The following ECD variants were observed in gnomAD, a reference collection of about 807,000 sequenced individuals.
The protein encoded by ECD is protein ecdysoneless homolog.
ECD carries 59 observed loss-of-function variants against 77.2 expected under a neutral mutation model. The ratio of observed to expected loss-of-function variants is 0.76; its 90% CI spans 0.62 to 0.95. The LOEUF (loss-of-function observed/expected upper bound fraction) is 0.95, where lower values mean the gene tolerates loss of function less well. ECD is among the 40% of genes least tolerant of loss of function. The pLI, the probability that ECD is intolerant of heterozygous loss-of-function variation, is 0.00. For missense variants in ECD, 704 were observed against 763.4 expected (o/e 0.92, Z 0.92); for synonymous variants, 233 against 267.4 (o/e 0.87, Z 1.26).
At chr10:73,139,272 C>A in intron 11 of ECD, 37 bp downstream of exon 11, 2 of 1,526,506 alleles carry the variant, frequency 1.3e-6, no homozygotes, top group South Asian at 1.3e-5. Context: ...CATTTGGGTT[C>A]TAGCTATTTA....
intron 2 of ECD, among the ~76,000 whole-genome samples, chr10:73,163,484 T>C (rs987823451): frequency 6.6e-6 from 1 of 152,172 alleles, no homozygotes; most frequent in Non-Finnish European, 1.5e-5. Flanking sequence ...TTCAAAAGAA[T>C]AGCCATGAGT....
Position 73,154,456 on chromosome 10 carries a change from A to G in ECD, c.591-8T>C. 5.0e-6 allele frequency: 8 copies of G among 1,597,998 alleles called. No individual in the cohort carries two copies. The highest frequency in any genetic ancestry group is 1.1e-5 in the South Asian group (1 of 89,180). On this transcript the variant is annotated splice_region_variant and splice_polypyrimidine_tract_variant and intron_variant, in intron 5 of 13. Coordinates refer to ENST00000372979, the MANE Select transcript of ECD (RefSeq NM_007265.3). ...TGAATTTTTTCTGGGTACCTGGGAC[A>G]GGTAACATAATTACTTTCATTTTAC... is the stretch of plus-strand genomic sequence containing the variant.
At chr10:73,160,396 A>G in intron 3 of ECD, 38 bp downstream of exon 3, 2 of 1,387,784 alleles carry the variant, frequency 1.4e-6, no homozygotes, top group African/African-American at 1.5e-5. Context: ...TGTTTCAGTA[A>G]TAGAATTCCT....
In ECD at chr10:73,139,838, AT is replaced by A. The variant is rs555984086; in HGVS notation, c.1128-102del. 42 of 677,618 alleles carry A rather than the reference AT, an allele frequency of 6.2e-5. No individual in the cohort carries two copies. In the South Asian group the frequency reaches 9.6e-4, roughly 15 times the overall value. 42.0% of individuals were successfully genotyped at this position (677,618 alleles called of 1,614,324 possible). ...AGGTTGGAAGGGATTAGCTAGTCTA[AT>A]TTGGGGAGTGTTTTTTTTTTTTTTT... On this transcript the variant is annotated intron_variant, in intron 9 of 13. Coordinates refer to ENST00000372979, the MANE Select transcript of ECD (RefSeq NM_007265.3).
intron 1 of ECD, among the ~76,000 whole-genome samples, chr10:73,165,334 T>C (rs1843440296): frequency 6.6e-6 from 1 of 152,050 alleles, no homozygotes; most frequent in African/African-American, 2.4e-5. Context: ...ATCTTTCTTT[T>C]CTTTTTTTCT....
At chr10:73,138,173 T>C (rs1335084239) in intron 11 of ECD, 103 bp from the exon 12 acceptor site, 24 of 839,970 alleles carry the variant, frequency 2.9e-5, no homozygotes. Flanking sequence ...AAGATAGAAT[T>C]TCTAAGGAGG....
chr10:73,160,308 T>C, intron 3 of ECD, 126 bp downstream of exon 3: 2 of 509,922 alleles, frequency 3.9e-6, no homozygotes, highest in Non-Finnish European at 3.2e-6. Flanking sequence ...AGAGCACAGA[T>C]ACTATTAAAA....
At chr10:73,142,504 C>A (rs898914636) in intron 9 of ECD, among the ~76,000 whole-genome samples, 1 of 151,646 alleles carries the variant, frequency 6.6e-6, no homozygotes, top group African/African-American at 2.4e-5. Context: ...TATGATGGCA[C>A]GCGCCTGTAG....
At chr10:73,151,529 TAA>T (rs61450651) in intron 7 of ECD, among the ~76,000 whole-genome samples, 51 of 136,852 alleles carry the variant, frequency 3.7e-4, no homozygotes, top group Non-Finnish European at 5.8e-4. Flanking sequence ...AGCATAATAA[TAA>T]AAAAAAAAAG....
intron 13 of ECD, 64 bp downstream of exon 13, chr10:73,136,640 A>C (rs1265535905): frequency 3.4e-5 from 49 of 1,431,258 alleles, no homozygotes; most frequent in Non-Finnish European, 4.5e-5. Context: ...ACTATGATAA[A>C]ATATGGTTTT....
intron 9 of ECD, among the ~76,000 whole-genome samples, chr10:73,145,748 G>T (rs529605886): frequency 6.7e-6 from 1 of 148,698 alleles, no homozygotes; most frequent in Non-Finnish European, 1.5e-5. Context: ...GAGTTCAAGC[G>T]ATTCTCCTGC....
chr10:73,163,890 G>A lies in ECD; in HGVS notation c.48C>T (p.Tyr16=), dbSNP rs780983835. 6.2e-7 allele frequency: 1 copy of A among 1,614,180 alleles called. No homozygotes were observed. The highest frequency in any genetic ancestry group is 1.7e-5 in the Admixed American group (1 of 60,022). ...ACTCATCTGGTATCAGGAACAGGCAGTACTCCACTGTGTCTTCCATCGTAG... is the reference window on the plus strand; with the variant it reads ...ACTCATCTGGTATCAGGAACAGGCAATACTCCACTGTGTCTTCCATCGTAG... ...KLATMEDTVE[Y]CLFLIPDESR... Residue 16 remains tyrosine (Y), a synonymous_variant, in exon 2 of 14, where the codon TAC becomes TAT. Transcript: ENST00000372979.
At chr10:73,139,281 T>C in intron 11 of ECD, 28 bp downstream of exon 11, 1 of 1,562,954 alleles carries the variant, frequency 6.4e-7, no homozygotes, top group South Asian at 1.2e-5. Flanking sequence ...TCTAGCTATT[T>C]ATATATTTAT....
Position 73,156,614 on chromosome 10 carries a change from G to C in ECD, c.365C>G (p.Ala122Gly), listed in dbSNP as rs1240386078. 3 of 1,613,986 alleles carry C rather than the reference G, an allele frequency of 1.9e-6. No individual in the cohort carries two copies. The South Asian group carries it at 3.3e-5, about 18-fold the overall frequency. ...NDGEFLLIEAADFLPKWLDPE... is the reference protein window; with the variant it reads ...NDGEFLLIEAGDFLPKWLDPE... ...ATCCAGCCATTTAGGGAGAAAGTCA[G>C]CAGCTTCTATTAACAAGAATTCACC... The change falls in exon 4 of 14, where the codon GCT becomes GGT. Residue 122 changes from alanine to glycine, a missense_variant. This residue lies in a region of ECD where 559 missense variants were observed against 583.7 expected (regional missense o/e 0.96). Coordinates refer to ENST00000372979, the MANE Select transcript of ECD (RefSeq NM_007265.3).
intron 1 of ECD, among the ~76,000 whole-genome samples, chr10:73,165,002 C>T (rs189875380): frequency 1.3e-5 from 2 of 152,340 alleles, no homozygotes; most frequent in Admixed American, 1.3e-4. Flanking sequence ...ACTGCACTAA[C>T]ACCTACTGTT....
intron 13 of ECD, among the ~76,000 whole-genome samples, chr10:73,135,135 TAAA>T (rs1842961683): frequency 6.6e-6 from 1 of 152,166 alleles, no homozygotes; most frequent in African/African-American, 2.4e-5. Flanking sequence ...CTAAGAGTCT[TAAA>T]AGAAACAAAC....
rs1842954117 is a variant in ECD, at chr10:73,134,387, A to C, written c.*196T>G. ...GGCTAGATTCTACCCTGCCGAGTTC[A>C]AAACCTGTGTATAACCCACAGCTGA... On this transcript the variant is annotated 3_prime_UTR_variant, in exon 14 of 14. Coordinates refer to ENST00000372979, the MANE Select transcript of ECD (RefSeq NM_007265.3). The C allele has an allele frequency of 1.7e-6, 1 of 585,686 alleles. No individual in the cohort carries two copies. The highest frequency in any genetic ancestry group is 3.0e-6 in the Non-Finnish European group (1 of 334,618). The allele number at this position is 585,686 out of a possible 1,614,324, so 36.3% of individuals were successfully genotyped here.
chr10:73,156,681 G>T, intron 3 of ECD, 26 bp from the exon 4 acceptor site: 1 of 1,604,318 alleles, frequency 6.2e-7, no homozygotes, highest in South Asian at 1.1e-5. Context: ...TTCCAATTTT[G>T]CATTCAAAAA....
chr10:73,135,923 G>A (rs1842969980), intron 13 of ECD, among the ~76,000 whole-genome samples: 1 of 152,090 alleles, frequency 6.6e-6, no homozygotes, highest in African/African-American at 2.4e-5. Flanking sequence ...AATTCTGGAA[G>A]TGACTATAGT....
Sources: allele counts gnomAD v4.1 joint callset (sites outside exome capture counted in the v4.1 genomes callset), GRCh38; gene constraint gnomAD v4.1.1; regional missense constraint gnomAD v4.1.1; transcripts MANE v1.5; gene names NCBI Gene and HGNC (gene_info 2026-07-23, HGNC 2026-07-21).